Variants in ZFHX3 observed in about 807,000 individuals in gnomAD.
ZFHX3 encodes zinc finger homeobox 3, also known as zinc finger homeobox protein 3.
In ZFHX3, 42 loss-of-function variants were observed where a neutral mutation model predicts 279.1. The ratio of observed to expected loss-of-function variants is 0.15; its 90% confidence interval spans 0.12 to 0.19. ZFHX3 has a LOEUF of 0.19. Ranked by LOEUF, ZFHX3 falls within the 10% of genes least tolerant of loss-of-function variation. The pLI is 1.00. For missense variants in ZFHX3, 4,981 were observed against 4,754.0 expected (o/e 1.05, Z -1.40); for synonymous variants, 2,293 against 1,957.8 (o/e 1.17, Z -4.52).
At chr16:73,414,267 C>T (rs1015906976) in intron 3 of ZFHX3, among the ~76,000 whole-genome samples, 1 of 152,232 alleles carries the variant, frequency 6.6e-6, no homozygotes, top group Non-Finnish European at 1.5e-5. Flanking sequence ...ATAACCCACA[C>T]AGAGATAATT....
At position 72,797,632 on chromosome 16, in the gene ZFHX3, G is replaced by A. The variant is rs552751209; in HGVS notation, c.5050C>T (p.Pro1684Ser). The A allele has an allele frequency of 6.2e-7, 1 of 1,614,188 alleles. No individual in the cohort carries two copies. The highest frequency in any genetic ancestry group is 1.7e-5 in the Admixed American group (1 of 60,028). ...APSSNLLSQV[P>S]TESVGMPPLG... is the part of the protein sequence containing the mutation. ...GGTGGCATCCCTACACTCTCAGTGG[G>A]CACTTGGCTTAGTAAGTTAGAGCTT... The change falls in exon 9 of 10, where the codon CCC becomes TCC. Residue 1684 changes from proline to serine, a missense_variant. By Grantham distance (74) the Pro-to-Ser change is moderately conservative. Transcript: ENST00000268489.
At chr16:73,115,527 G>A (rs1452366538) in intron 7 of ZFHX3, among the ~76,000 whole-genome samples, 1 of 152,068 alleles carries the variant, frequency 6.6e-6, no homozygotes, top group Admixed American at 6.6e-5. Flanking sequence ...TCCAGCCAGG[G>A]TGACAGAATG....
In ZFHX3 at chr16:73,635,605, C is replaced by A. The variant is rs540015642; in HGVS notation, c.-1547+44575G>T. Among the ~76,000 whole-genome samples, 34 of 152,248 alleles carry A rather than the reference C, an allele frequency of 2.2e-4. No individual in the cohort carries two copies. The South Asian group carries it at 5.8e-3, about 26-fold the overall frequency. On this transcript the variant is annotated intron_variant, in intron 2 of 17. Transcript: ENST00000641206. ...CTTTTTCCCTATTCTCCTTTCAAAG[C>A]TAACCTCTCACCCTGTGATCCTGGT...
chr16:73,334,742 C>G (rs1439125971), intron 3 of ZFHX3, among the ~76,000 whole-genome samples: 5 of 151,056 alleles, frequency 3.3e-5, no homozygotes, highest in Non-Finnish European at 7.4e-5. Context: ...GTCCCCTCCT[C>G]CTCTCAGTCC....
At chr16:72,986,186 ACTGTCCTTCTCCAC>A (rs1250895563) in intron 1 of ZFHX3, among the ~76,000 whole-genome samples, 1 of 152,054 alleles carries the variant, frequency 6.6e-6, no homozygotes, top group African/African-American at 2.4e-5. Flanking sequence ...TAAAGAACAG[ACTGTCCTTCTCCAC>A]CCTCACCCTG....
chr16:73,025,231 G>C (rs930299144), intron 1 of ZFHX3, among the ~76,000 whole-genome samples: 1 of 152,066 alleles, frequency 6.6e-6, no homozygotes, highest in Non-Finnish European at 1.5e-5. Context: ...CACAACGACC[G>C]CCCTGCACCG....
At chr16:73,238,604 G>C (rs547358801) in intron 5 of ZFHX3, among the ~76,000 whole-genome samples, 1 of 152,136 alleles carries the variant, frequency 6.6e-6, no homozygotes, top group South Asian at 2.1e-4. Flanking sequence ...TGCCTTCTCT[G>C]TACTATGTCT....
intron 2 of ZFHX3, among the ~76,000 whole-genome samples, chr16:73,668,662 A>G (rs1350492223): frequency 6.8e-6 from 1 of 147,336 alleles, no homozygotes; most frequent in Non-Finnish European, 1.5e-5. Flanking sequence ...TTTGCAATCT[A>G]TCCATCTGAC....
intron 4 of ZFHX3, among the ~76,000 whole-genome samples, chr16:73,265,209 A>G (rs1005504422): frequency 2.0e-5 from 3 of 151,940 alleles, no homozygotes; most frequent in African/African-American, 7.3e-5. Context: ...ATGTGCAAGT[A>G]TCTTTTTCGT....
At chr16:73,058,956 A>AGGAGGC (rs1329292576) in exon 1 of ZFHX3, 7 of 162,286 alleles carry the variant, frequency 4.3e-5, no homozygotes, top group Non-Finnish European at 6.4e-5. Flanking sequence ...GAGGAGGAGG[A>AGGAGGC]GGAGGCGGCG....
chr16:73,246,481 G>A (rs571746367), intron 5 of ZFHX3, among the ~76,000 whole-genome samples: 1 of 152,256 alleles, frequency 6.6e-6, no homozygotes, highest in South Asian at 2.1e-4. Context: ...CTGGGTCATC[G>A]CCAGCCATCG....
chr16:73,101,183 G>A (rs1966226459), intron 7 of ZFHX3, among the ~76,000 whole-genome samples: 1 of 152,064 alleles, frequency 6.6e-6, no homozygotes, highest in Admixed American at 6.6e-5. Context: ...TACCATTAGA[G>A]CACTGCAGCA....
chr16:73,110,514 A>T (rs984322496), intron 7 of ZFHX3, among the ~76,000 whole-genome samples: 1 of 152,186 alleles, frequency 6.6e-6, no homozygotes, highest in Non-Finnish European at 1.5e-5. Context: ...AATTACAAAA[A>T]ACACTCCTAA....
At chr16:73,756,268 T>C (rs937347849) in intron 1 of ZFHX3, among the ~76,000 whole-genome samples, 7 of 152,200 alleles carry the variant, frequency 4.6e-5, no homozygotes, top group African/African-American at 1.7e-4. Flanking sequence ...GAGTGTAAAG[T>C]GGAAACCGTT....
intron 5 of ZFHX3, among the ~76,000 whole-genome samples, chr16:73,250,741 A>G (rs977044392): frequency 5.8e-4 from 88 of 152,160 alleles, no homozygotes; most frequent in African/African-American, 1.9e-3. Flanking sequence ...TCACCGCGTT[A>G]GCCAGGATGG....
rs74662138 is a variant in ZFHX3 at position 72,933,240 on chromosome 16, T to C, written c.3216+17229A>G. ...ATGTTACTACCTCTAGTGAAATGTA[T>C]GCCCTCGTCTGCAAAAACAGAAATA... On this transcript the variant is annotated intron_variant, in intron 3 of 9. Coordinates refer to ENST00000268489, the MANE Select transcript of ZFHX3 (RefSeq NM_006885.4). 9.9e-3 allele frequency among the ~76,000 whole-genome samples: 1,512 copies of C among 152,220 alleles called. 40 individuals carry two copies. The highest frequency in any genetic ancestry group is 0.037 in the East Asian group (189 of 5,176).
intron 4 of ZFHX3, chr16:73,294,183 T>C (rs2014846519): frequency 6.6e-6 from 1 of 152,168 alleles, no homozygotes; most frequent in African/African-American, 2.4e-5. Context: ...AAACTGTCCT[T>C]TTTTATTTCA....
chr16:73,572,577 G>C (rs1015120881), intron 2 of ZFHX3, among the ~76,000 whole-genome samples: 2 of 152,138 alleles, frequency 1.3e-5, no homozygotes, highest in Non-Finnish European at 2.9e-5. Context: ...TTGGTCCACA[G>C]AACAATCACA....
chr16:73,830,971 C>A (rs1251743112), intron 1 of ZFHX3, among the ~76,000 whole-genome samples: 1 of 152,148 alleles, frequency 6.6e-6, no homozygotes, highest in Non-Finnish European at 1.5e-5. Flanking sequence ...GATTTAGGTA[C>A]CTGGCAGACC....
Sources: gnomAD v4.1 joint callset for allele counts (sites outside exome capture counted in the v4.1 genomes callset) on GRCh38, gnomAD v4.1.1 for gene constraint, MANE v1.5 for transcripts, NCBI Gene and HGNC (gene_info 2026-07-23, HGNC 2026-07-21) for gene names.